MLC1: variants seen among roughly 807,000 people sequenced by gnomAD.
The protein encoded by MLC1 is modulator of VRAC current 1, also known as membrane protein MLC1.
MLC1 carries 32 observed loss-of-function variants against 44.7 expected under a neutral mutation model. That is an observed-to-expected ratio of 0.72 (90% CI 0.54 to 0.96). The LOEUF is 0.96. MLC1 is among the 40% of genes least tolerant of loss of function. MLC1 has a pLI of 0.00. For synonymous variants in MLC1, 190 were observed against 213.0 expected, an observed-to-expected ratio of 0.89 and a Z score of 0.94; for missense variants, 459 against 492.2, an observed-to-expected ratio of 0.93 and a Z score of 0.64.
chr22:50,080,494 A>G (rs1037553642), intron 3 of MLC1, 97 bp from the exon 4 acceptor site: 11 of 1,322,516 alleles, frequency 8.3e-6, no homozygotes, highest in African/African-American at 1.5e-5. Context: ...GATCTGAATC[A>G]TATTCACAAA....
chr22:50,082,185 G>A (rs924295004), intron 3 of MLC1, among the ~76,000 whole-genome samples: 2 of 92,812 alleles, frequency 2.2e-5, no homozygotes, highest in East Asian at 3.5e-4. Flanking sequence ...CGCGGCTTGC[G>A]GGCCAGAGGG....
rs554064267 is a variant in MLC1 at position 50,062,740 on chromosome 22, CG to C, written c.1060-1084del. The stretch of plus-strand genomic sequence containing the variant: ...AGAGGTGGGGCAGGACTCAGAGCCC[CG>C]CTGAGTGGCTGCCCAGGTGTTTGGG... On this transcript the variant is annotated intron_variant, in intron 11 of 11. Transcript: ENST00000311597. 1.5e-3 allele frequency among the ~76,000 whole-genome samples: 228 copies of C among 152,358 alleles called. 1 individual carries two copies. Among genetic ancestry groups the C allele is most frequent in the African/African-American group, 5.2e-3 (218 of 41,590 alleles).
Position 50,083,733 on chromosome 22 carries a change from C to G in MLC1, c.178-560G>C, listed in dbSNP as rs192713453. On this transcript the variant is annotated intron_variant, in intron 2 of 11. Coordinates refer to ENST00000311597, the MANE Select transcript of MLC1 (RefSeq NM_015166.4). This position sits in a 1 kb window ranked among gnomAD's most constrained non-coding sequence, Gnocchi z 4.6. ...GCAGGGGTGCGGTGGGGAGGGGGCTCTCTCTCACGCACAGCACCCCCGGGG... is the reference window on the plus strand; with the variant it reads ...GCAGGGGTGCGGTGGGGAGGGGGCTGTCTCTCACGCACAGCACCCCCGGGG... Among the ~76,000 whole-genome samples the G allele has an allele frequency of 5.5e-3, 841 of 152,218 alleles. 8 individuals are homozygous for G. Among genetic ancestry groups the G allele is most frequent in the African/African-American group, 0.019 (792 of 41,530 alleles).
chr22:50,073,680 G>A (rs2061912502), intron 8 of MLC1, among the ~76,000 whole-genome samples: 1 of 152,106 alleles, frequency 6.6e-6, no homozygotes, highest in Non-Finnish European at 1.5e-5. Flanking sequence ...AGGTTGTAGT[G>A]AGGTGATATT....
At chr22:50,062,900 A>G (rs2061602258) in intron 11 of MLC1, among the ~76,000 whole-genome samples, 1 of 152,212 alleles carries the variant, frequency 6.6e-6, no homozygotes, top group Non-Finnish European at 1.5e-5. Context: ...TGGGGGCAGC[A>G]AGACAGTAGG....
Position 50,074,242 on chromosome 22 carries a change from CTGAGAGGTG to C in MLC1, c.679_687del (p.His227_Ser229del), listed in dbSNP as rs1482236726. 6.2e-7 allele frequency: 1 copy of C among 1,613,850 alleles called. No individual in the cohort carries two copies. The highest frequency in any genetic ancestry group is 1.1e-5 in the South Asian group (1 of 91,022). On this transcript the variant is annotated inframe_deletion, in exon 8 of 12. Transcript: ENST00000311597. ...GCCACTAGGATCCAAAAGAACGTCACTGAGAGGTGTGGGCCTGAAACTGAGTCATCCACG... is the reference window on the plus strand; with the variant it reads ...GCCACTAGGATCCAAAAGAACGTCACTGGGCCTGAAACTGAGTCATCCACG...
Position 50,076,909 on chromosome 22 carries a change from AG to A in MLC1, c.528del (p.Ser177ProfsTer19), listed in dbSNP as rs745714081. 1.2e-6 allele frequency: 2 copies of A among 1,613,886 alleles called. No individual in the cohort carries two copies. Among genetic ancestry groups the A allele is most frequent in the Non-Finnish European group, 1.7e-6 (2 of 1,179,846 alleles). On this transcript the variant is annotated frameshift_variant and splice_region_variant, in exon 7 of 12. Coordinates refer to ENST00000311597, the MANE Select transcript of MLC1 (RefSeq NM_015166.4). LOFTEE classifies it high-confidence loss of function. ...AGAATGTTGGCGCTGTCAGACATGG[AG>A]CCCTACGAAGAAACAGAACTGTCAC... is the stretch of plus-strand genomic sequence containing the variant. Reference protein sequence around the residue: ...SSEEDCKKKKGSMSDSANILD... With the variant: ...SSEEDCKKKKXSMSDSANILD...
intron 8 of MLC1, 126 bp from the exon 9 acceptor site, chr22:50,070,709 G>C: frequency 1.9e-6 from 2 of 1,053,972 alleles, no homozygotes; most frequent in South Asian, 1.4e-5. Flanking sequence ...GGGGGGCAGG[G>C]GGGATGGTGC....
At position 50,083,850 on chromosome 22, in the gene MLC1, C is replaced by T. The variant is rs916709926; in HGVS notation, c.178-677G>A. On this transcript the variant is annotated intron_variant, in intron 2 of 11. Transcript: ENST00000311597. The surrounding 1 kb of genome is among the most constrained non-coding windows in gnomAD (Gnocchi z 4.6). Reference sequence around the variant, plus strand: ...TGGGGCAGAGGGGATCTGGCCTGGGCGGGGGAGGGGCTGCGACCAAGTCCA... The same window carrying T: ...TGGGGCAGAGGGGATCTGGCCTGGGTGGGGGAGGGGCTGCGACCAAGTCCA... Among the ~76,000 whole-genome samples, 8 of 151,692 alleles carry T rather than the reference C, an allele frequency of 5.3e-5. No individual in the cohort carries two copies. Among genetic ancestry groups the T allele is most frequent in the Non-Finnish European group, 7.4e-5 (5 of 67,938 alleles).
chr22:50,078,197 G>A (rs938541569), intron 5 of MLC1, among the ~76,000 whole-genome samples: 2 of 151,802 alleles, frequency 1.3e-5, no homozygotes, highest in Non-Finnish European at 2.9e-5. Flanking sequence ...CTCCATGTTG[G>A]TCAGGCTGGT....
chr22:50,071,535 G>A (rs1319756241), intron 8 of MLC1, among the ~76,000 whole-genome samples: 1 of 152,164 alleles, frequency 6.6e-6, no homozygotes, highest in African/African-American at 2.4e-5. Flanking sequence ...GTCGCTTCTG[G>A]GGGGTGCAGC....
chr22:50,082,514 C>G (rs8135837), intron 3 of MLC1, among the ~76,000 whole-genome samples: 2,757 of 152,360 alleles, frequency 0.018, 83 homozygotes, highest in African/African-American at 0.063. Context: ...GCTGCCAGCT[C>G]TGGCAGGACG....
chr22:50,070,140 T>G (rs1468123832), intron 9 of MLC1, among the ~76,000 whole-genome samples: 1 of 151,956 alleles, frequency 6.6e-6, no homozygotes, highest in African/African-American at 2.4e-5. Flanking sequence ...AGGCGGAGGT[T>G]GCAGTGAGCC....
intron 11 of MLC1, among the ~76,000 whole-genome samples, chr22:50,062,306 C>T (rs1290751088): frequency 1.4e-5 from 2 of 143,100 alleles, no homozygotes; most frequent in African/African-American, 2.6e-5. Flanking sequence ...GAGCCCCAGC[C>T]GCCCACCCTG....
chr22:50,075,760 G>A (rs1466563346), intron 7 of MLC1, among the ~76,000 whole-genome samples: 3 of 151,866 alleles, frequency 2.0e-5, no homozygotes, highest in African/African-American at 7.3e-5. Flanking sequence ...ACCTAAGAGA[G>A]GACTGAAATG....
At chr22:50,079,240 C>T (rs892212035) in intron 5 of MLC1, among the ~76,000 whole-genome samples, 4 of 151,172 alleles carry the variant, frequency 2.6e-5, no homozygotes, top group East Asian at 3.9e-4. Context: ...GCCGAGATGG[C>T]GCCACTACAC....
chr22:50,076,768 G>T (rs531231408), intron 7 of MLC1, 73 bp downstream of exon 7: 45 of 1,525,172 alleles, frequency 3.0e-5, no homozygotes, highest in Non-Finnish European at 3.9e-5. Flanking sequence ...GAATCGAAAC[G>T]TGACGTTTAA....
chr22:50,064,642 C>A (rs968118702), intron 10 of MLC1, among the ~76,000 whole-genome samples: 3 of 152,092 alleles, frequency 2.0e-5, no homozygotes, highest in African/African-American at 7.2e-5. Flanking sequence ...GTGCACAGAC[C>A]CCCAACAGCT....
chr22:50,068,558 G>C lies in MLC1; in HGVS notation c.772-3C>G. On this transcript the variant is annotated splice_region_variant and splice_polypyrimidine_tract_variant and intron_variant, in intron 9 of 11. Transcript: ENST00000311597. ...CTTATGGCAATCAGGACCTCCACCT[G>C]GAAAAAAAGCGCGGGTTGCAGGACC... 6.3e-7 allele frequency: 1 copy of C among 1,592,698 alleles called. No individual in the cohort carries two copies. Among genetic ancestry groups the C allele is most frequent in the Non-Finnish European group, 8.6e-7 (1 of 1,167,166 alleles).
Sources: gnomAD v4.1 joint callset for allele counts (sites outside exome capture counted in the v4.1 genomes callset) on GRCh38, gnomAD v4.1.1 for gene constraint, Gnocchi (gnomAD v3.1) non-coding constraint, MANE v1.5 for transcripts, NCBI Gene and HGNC (gene_info 2026-07-23, HGNC 2026-07-21) for gene names.